The following TAOK1 variants were observed in gnomAD, a reference collection of about 807,000 sequenced individuals.
TAOK1 encodes TAO kinase 1.
TAOK1 carries 21 observed loss-of-function variants against 138.3 expected under a neutral mutation model. That is an observed-to-expected ratio of 0.15 (90% CI 0.11 to 0.22). TAOK1 has a LOEUF of 0.22. Ranked by LOEUF, TAOK1 falls within the 10% of genes least tolerant of loss-of-function variation. The pLI is 1.00. For missense variants in TAOK1, 651 were observed against 1,227.7 expected, an observed-to-expected ratio of 0.53 and a Z score of 7.02; for synonymous variants, 361 against 398.4, an observed-to-expected ratio of 0.91 and a Z score of 1.12.
chr17:29,392,108 C>T (rs1431134662), intron 1 of TAOK1, among the ~76,000 whole-genome samples: 1 of 151,950 alleles, frequency 6.6e-6, no homozygotes, highest in African/African-American at 2.4e-5. Context: ...CCCAGCTACT[C>T]GGGAGGCTGA....
chr17:29,419,883 G>T (rs1178694983), intron 1 of TAOK1, among the ~76,000 whole-genome samples: 2 of 151,714 alleles, frequency 1.3e-5, no homozygotes, highest in African/African-American at 4.8e-5. Flanking sequence ...TTGTTTTTTT[G>T]TTTGTTTGTT....
intron 1 of TAOK1, among the ~76,000 whole-genome samples, chr17:29,392,066 A>G (rs544338870): frequency 8.5e-5 from 13 of 152,264 alleles, no homozygotes; most frequent in African/African-American, 2.9e-4. Flanking sequence ...AATACAAAAA[A>G]TTAGCTGGGC....
intron 3 of TAOK1, among the ~76,000 whole-genome samples, chr17:29,473,748 A>G (rs1261746250): frequency 1.3e-5 from 2 of 150,216 alleles, no homozygotes; most frequent in Non-Finnish European, 3.0e-5. Context: ...TTTTTTTGAG[A>G]CAGAGTCTCT....
chr17:29,454,544 T>C (rs1032954552), intron 2 of TAOK1, among the ~76,000 whole-genome samples: 3 of 152,180 alleles, frequency 2.0e-5, no homozygotes, highest in African/African-American at 7.2e-5. Flanking sequence ...GGTAGATCTA[T>C]AGATCACTGT....
At position 29,403,054 on chromosome 17, in the gene TAOK1, G is replaced by A. The variant is rs1013404639; in HGVS notation, c.-95+12030G>A. Among the ~76,000 whole-genome samples the A allele has an allele frequency of 2.7e-5, 4 of 150,774 alleles. No individual in the cohort carries two copies. The Admixed American group carries it at 2.7e-4, about 10-fold the overall frequency. On this transcript the variant is annotated intron_variant, in intron 1 of 19. Coordinates refer to ENST00000261716, the MANE Select transcript of TAOK1 (RefSeq NM_020791.4). ...CGGGCACCTGCAATCCCAGCTACTA[G>A]GGAGCCTGAGGCAGGAGAACTGCTT...
intron 1 of TAOK1, among the ~76,000 whole-genome samples, chr17:29,397,833 A>G (rs767173232): frequency 4.0e-5 from 6 of 150,588 alleles, no homozygotes; most frequent in South Asian, 2.1e-4. Flanking sequence ...ATGTATATAT[A>G]TGTGTATATA....
At chr17:29,391,987 C>T (rs1000375766) in intron 1 of TAOK1, among the ~76,000 whole-genome samples, 1 of 152,128 alleles carries the variant, frequency 6.6e-6, no homozygotes, top group African/African-American at 2.4e-5. Flanking sequence ...GAGGCCAAGG[C>T]GGGCGGATCA....
At chr17:29,463,132 AT>A (rs1206813070) in intron 2 of TAOK1, among the ~76,000 whole-genome samples, 1 of 152,020 alleles carries the variant, frequency 6.6e-6, no homozygotes. Flanking sequence ...CCCTTTCCAT[AT>A]TCTTTATGCT....
At chr17:29,506,775 G>C (rs1053880897) in intron 13 of TAOK1, among the ~76,000 whole-genome samples, 1 of 152,080 alleles carries the variant, frequency 6.6e-6, no homozygotes, top group African/African-American at 2.4e-5. Flanking sequence ...ATTGAAAACA[G>C]GTACTCAGAC....
chr17:29,423,452 C>T (rs894002783), intron 1 of TAOK1, among the ~76,000 whole-genome samples: 29 of 151,808 alleles, frequency 1.9e-4, no homozygotes, highest in African/African-American at 7.0e-4. Flanking sequence ...CTCCTGACCT[C>T]ATGATCCACC....
intron 10 of TAOK1, among the ~76,000 whole-genome samples, chr17:29,493,447 T>G (rs1242170599): frequency 6.7e-6 from 1 of 149,838 alleles, no homozygotes; most frequent in African/African-American, 2.5e-5. Flanking sequence ...TGAGCTGAGA[T>G]CGCACCATTG....
chr17:29,433,517 A>G (rs112244706), intron 1 of TAOK1, among the ~76,000 whole-genome samples: 73 of 152,202 alleles, frequency 4.8e-4, no homozygotes, highest in African/African-American at 1.6e-3. Flanking sequence ...AGTTCAGCTA[A>G]AGAACTTGTC....
At chr17:29,506,727 A>G (rs2031635026) in intron 13 of TAOK1, among the ~76,000 whole-genome samples, 1 of 152,220 alleles carries the variant, frequency 6.6e-6, no homozygotes, top group Non-Finnish European at 1.5e-5. Flanking sequence ...AAATGTATAC[A>G]ATTATGATTT....
intron 2 of TAOK1, among the ~76,000 whole-genome samples, chr17:29,457,998 T>C (rs1387203366): frequency 6.6e-6 from 1 of 151,798 alleles, no homozygotes. Context: ...TAGTCCCAGC[T>C]ACTTGGGAGG....
intron 11 of TAOK1, among the ~76,000 whole-genome samples, chr17:29,497,878 C>G (rs887000932): frequency 1.3e-5 from 2 of 150,968 alleles, no homozygotes; most frequent in African/African-American, 4.9e-5. Flanking sequence ...TGGAGCAGGG[C>G]TACGCCGTAG....
intron 2 of TAOK1, among the ~76,000 whole-genome samples, chr17:29,457,089 C>CTTTTTTTTTTTTTTTTTTTTTTTTTTTT (rs548221652): frequency 5.6e-5 from 6 of 107,408 alleles, no homozygotes; most frequent in Non-Finnish European, 7.5e-5. Flanking sequence ...TTTTCTTTTT[C>CTTTTTTTTTTTTTTTTTTTTTTTTTTTT]TTTTTTTTTT....
At chr17:29,494,860 T>C (rs2153027928) in intron 10 of TAOK1, among the ~76,000 whole-genome samples, 1 of 148,152 alleles carries the variant, frequency 6.7e-6, no homozygotes, top group East Asian at 2.0e-4. Flanking sequence ...AATTCAAGGA[T>C]ATTTCGTAGA....
chr17:29,491,684 T>A lies in TAOK1; in HGVS notation c.750-100T>A, dbSNP rs545514230. 7.1e-5 allele frequency: 58 copies of A among 819,402 alleles called. No individual in the cohort carries two copies. The Admixed American group carries it at 1.1e-3, about 15-fold the overall frequency. 50.8% of individuals were successfully genotyped at this position (819,402 alleles called of 1,614,324 possible). The stretch of plus-strand genomic sequence containing the variant: ...TCTCTGCTTTTTTTTAATCATTCCC[T>A]TTCCATTTCCCCTCCCACCAATAGG... On this transcript the variant is annotated intron_variant, in intron 9 of 19. Coordinates refer to ENST00000261716, the MANE Select transcript of TAOK1 (RefSeq NM_020791.4).
intron 11 of TAOK1, among the ~76,000 whole-genome samples, chr17:29,497,319 A>G (rs1057467596): frequency 6.6e-6 from 1 of 152,084 alleles, no homozygotes; most frequent in Non-Finnish European, 1.5e-5. Flanking sequence ...TGGTTTGGGG[A>G]TTATTTTTAG....
Sources: gnomAD v4.1 joint callset for allele counts (sites outside exome capture counted in the v4.1 genomes callset) on GRCh38, gnomAD v4.1.1 for gene constraint, MANE v1.5 for transcripts, NCBI Gene and HGNC (gene_info 2026-07-23, HGNC 2026-07-21) for gene names.